Variants in NR3C2 observed in about 807,000 individuals in gnomAD.
NR3C2 encodes nuclear receptor subfamily 3 group C member 2.
NR3C2 carries 15 observed loss-of-function variants against 86.4 expected under a neutral mutation model. The observed-to-expected ratio is 0.17, with a 90% CI of 0.12 to 0.27. The LOEUF (loss-of-function observed/expected upper bound fraction) is 0.27. NR3C2 is among the 10% of genes least tolerant of loss of function. NR3C2 has a pLI of 1.00. For missense variants in NR3C2, 960 were observed against 1,195.6 expected (o/e 0.80, Z 2.91); for synonymous variants, 458 against 450.5 (o/e 1.02, Z -0.21).
chr4:148,115,119 T>C (rs1043876287), intron 7 of NR3C2, among the ~76,000 whole-genome samples: 11 of 152,266 alleles, frequency 7.2e-5, no homozygotes, highest in Non-Finnish European at 1.2e-4. Flanking sequence ...TGTTCATCTG[T>C]ATCTTTGATA....
At chr4:148,235,770 T>G (rs1432254515) in intron 3 of NR3C2, among the ~76,000 whole-genome samples, 1 of 152,232 alleles carries the variant, frequency 6.6e-6, no homozygotes, top group Non-Finnish European at 1.5e-5. Context: ...AACAAGGATC[T>G]ACTTCAACAA....
At chr4:148,236,247 G>C (rs918773955) in intron 3 of NR3C2, among the ~76,000 whole-genome samples, 2 of 152,152 alleles carry the variant, frequency 1.3e-5, no homozygotes, top group Non-Finnish European at 2.9e-5. Context: ...TCAAGGTGTC[G>C]GGGTAAGTGA....
chr4:148,103,455 CGG>C (rs2149718931), intron 8 of NR3C2, among the ~76,000 whole-genome samples: 1 of 152,310 alleles, frequency 6.6e-6, no homozygotes, highest in East Asian at 1.9e-4. Context: ...GCCCTCCCTC[CGG>C]GAAGCAGGGC....
At chr4:148,405,178 A>G (rs72658631) in intron 2 of NR3C2, among the ~76,000 whole-genome samples, 3,466 of 152,310 alleles carry the variant, frequency 0.023, 134 homozygotes, top group African/African-American at 0.078. Flanking sequence ...ACAATTTGAC[A>G]TGTTATATGT....
Position 148,427,520 on chromosome 4 carries a change from G to A in NR3C2, c.1757+7584C>T, listed in dbSNP as rs773038208. ...TGATGTGGAAGGTCAGAGTCAAGCA[G>A]AGACAGGAGGGCACCTGTGTGTTTG... On this transcript the variant is annotated intron_variant, in intron 2 of 8. Transcript: ENST00000358102. Among the ~76,000 whole-genome samples, 54 of 151,752 alleles carry A rather than the reference G, an allele frequency of 3.6e-4. 1 individual carries two copies. Among genetic ancestry groups the A allele is most frequent in the Admixed American group, 1.3e-3 (20 of 15,228 alleles).
intron 6 of NR3C2, among the ~76,000 whole-genome samples, chr4:148,136,144 C>T (rs925196563): frequency 6.6e-6 from 1 of 151,100 alleles, no homozygotes. Flanking sequence ...AGTCTGTGTT[C>T]TCTCTCTGGA....
intron 2 of NR3C2, among the ~76,000 whole-genome samples, chr4:148,322,034 G>A (rs1670925008): frequency 6.6e-6 from 1 of 152,152 alleles, no homozygotes; most frequent in African/African-American, 2.4e-5. Context: ...TCCTTTCCAT[G>A]TTTAGTGCTT....
intron 8 of NR3C2, among the ~76,000 whole-genome samples, chr4:148,091,842 G>C (rs538535633): frequency 6.6e-6 from 1 of 152,200 alleles, no homozygotes; most frequent in African/African-American, 2.4e-5. Flanking sequence ...CCCTGGAAGG[G>C]GATTCTGGGC....
intron 3 of NR3C2, among the ~76,000 whole-genome samples, chr4:148,233,912 T>C (rs1701007439): frequency 6.6e-6 from 1 of 152,114 alleles, no homozygotes; most frequent in South Asian, 2.1e-4. Context: ...AGACATGAAG[T>C]GAGCACATGC....
At chr4:148,218,503 T>C (rs563591155) in intron 3 of NR3C2, among the ~76,000 whole-genome samples, 2 of 152,234 alleles carry the variant, frequency 1.3e-5, no homozygotes, top group Non-Finnish European at 2.9e-5. Flanking sequence ...TTTGGTGTAC[T>C]TCCTCCATCT....
intron 8 of NR3C2, among the ~76,000 whole-genome samples, chr4:148,082,006 G>A (rs1730585718): frequency 6.6e-6 from 1 of 152,204 alleles, no homozygotes; most frequent in Non-Finnish European, 1.5e-5. Flanking sequence ...GCCCGCCAAT[G>A]GAGCTGCCGC....
intron 2 of NR3C2, among the ~76,000 whole-genome samples, chr4:148,284,774 A>G (rs1355675506): frequency 6.6e-6 from 1 of 152,096 alleles, no homozygotes; most frequent in Admixed American, 6.5e-5. Flanking sequence ...CACTGTCCAA[A>G]TTTTCTGACC....
intron 2 of NR3C2, among the ~76,000 whole-genome samples, chr4:148,424,326 A>G (rs1749425997): frequency 6.6e-6 from 1 of 152,232 alleles, no homozygotes; most frequent in South Asian, 2.1e-4. Context: ...GGCCTCTAAT[A>G]CACTGCTGAT....
chr4:148,092,263 T>C (rs1049168646), intron 8 of NR3C2, among the ~76,000 whole-genome samples: 2 of 152,222 alleles, frequency 1.3e-5, no homozygotes, highest in Non-Finnish European at 2.9e-5. Flanking sequence ...TCTCATTTAC[T>C]TAACAATTAG....
At chr4:148,323,172 C>T (rs1743724442) in intron 2 of NR3C2, among the ~76,000 whole-genome samples, 1 of 146,116 alleles carries the variant, frequency 6.8e-6, no homozygotes, top group African/African-American at 2.5e-5. Flanking sequence ...CTGGGGGGTG[C>T]CTCCCAGTTA....
In NR3C2 at chr4:148,246,708, C is replaced by T. The variant is rs185388449; in HGVS notation, c.1897+13270G>A. Among the ~76,000 whole-genome samples, 963 of 152,176 alleles carry T rather than the reference C, an allele frequency of 6.3e-3. 6 individuals are homozygous for T. Among genetic ancestry groups the T allele is most frequent in the African/African-American group, 0.022 (908 of 41,506 alleles). ...CTGGGATTACAGGTGCTCACCACCA[C>T]GCCAGGCTAATTTTTTGTATTTTTA... On this transcript the variant is annotated intron_variant, in intron 3 of 8. Transcript: ENST00000358102.
chr4:148,266,455 C>G (rs1740404080), intron 2 of NR3C2, among the ~76,000 whole-genome samples: 1 of 152,112 alleles, frequency 6.6e-6, no homozygotes, highest in South Asian at 2.1e-4. Context: ...AGTGCAAAGT[C>G]TCTGAGACAG....
At chr4:148,197,822 T>C (rs776899006) in intron 3 of NR3C2, among the ~76,000 whole-genome samples, 1 of 152,190 alleles carries the variant, frequency 6.6e-6, no homozygotes, top group Non-Finnish European at 1.5e-5. Context: ...ACAATTTAAA[T>C]TATACCTACA....
chr4:148,142,387 TCA>T (rs898222219), intron 6 of NR3C2, among the ~76,000 whole-genome samples: 1 of 152,086 alleles, frequency 6.6e-6, no homozygotes, highest in Non-Finnish European at 1.5e-5. Flanking sequence ...AGATCCTAGA[TCA>T]CACAGTTTGG....
Sources: gnomAD v4.1 joint callset for allele counts (sites outside exome capture counted in the v4.1 genomes callset) on GRCh38, gnomAD v4.1.1 for gene constraint, MANE v1.5 for transcripts, NCBI Gene and HGNC (gene_info 2026-07-23, HGNC 2026-07-21) for gene names.